Variants in CLOCK observed in about 807,000 individuals in gnomAD.
CLOCK encodes the protein circadian locomoter output cycles protein kaput.
Under a neutral mutation model 118.4 loss-of-function variants are expected in CLOCK, and 43 were observed. That is an observed-to-expected ratio of 0.36 (90% confidence interval 0.28 to 0.47). The LOEUF is 0.47. Among genes scored for constraint, CLOCK ranks in the 20% least tolerant of loss-of-function variants. The pLI is 1.00. For missense variants in CLOCK, 846 were observed against 999.9 expected (o/e 0.85, Z 2.08); for synonymous variants, 326 against 339.2 (o/e 0.96, Z 0.43).
chr4:55,478,971 A>G lies in CLOCK; in HGVS notation c.108-8T>C. 6.3e-7 allele frequency: 1 copy of G among 1,575,148 alleles called. No individual in the cohort carries two copies. Among genetic ancestry groups the G allele is most frequent in the South Asian group, 1.1e-5 (1 of 87,192 alleles). On this transcript the variant is annotated splice_region_variant and splice_polypyrimidine_tract_variant and intron_variant, in intron 5 of 22. Coordinates refer to ENST00000513440, the MANE Select transcript of CLOCK (RefSeq NM_004898.4). The stretch of plus-strand genomic sequence containing the variant: ...GATTTGTTTCTAGATACTCTGATGA[A>G]ATGAAAAATATGCATTTTTTAAACA...
At position 55,428,696 on chromosome 4, in the gene CLOCK, TTGAGA is replaced by T. The variant is rs1213750597; in HGVS notation, c.*6714_*6718del. On this transcript the variant is annotated 3_prime_UTR_variant, in exon 23 of 23. Coordinates refer to ENST00000513440, the MANE Select transcript of CLOCK (RefSeq NM_004898.4). The stretch of plus-strand genomic sequence containing the variant: ...GGACAGCAATGTCAAGAATATCACA[TTGAGA>T]ACCACACAGAACATTATAAAGAATT... The T allele has an allele frequency of 2.0e-5, 3 of 152,084 alleles. No homozygotes were observed. The highest frequency in any genetic ancestry group is 7.2e-5 in the African/African-American group (3 of 41,390). The allele number at this position is 152,084 out of a possible 1,614,324, so 9.4% of individuals were successfully genotyped here.
intron 1 of CLOCK, among the ~76,000 whole-genome samples, chr4:55,525,297 T>C (rs974307511): frequency 2.0e-5 from 3 of 152,098 alleles, no homozygotes; most frequent in South Asian, 2.1e-4. Flanking sequence ...ACATACCCTG[T>C]TCTTTAGAAA....
chr4:55,458,437 C>T (rs539689024), intron 11 of CLOCK, among the ~76,000 whole-genome samples: 2 of 152,224 alleles, frequency 1.3e-5, no homozygotes, highest in African/African-American at 4.8e-5. Flanking sequence ...CACTTTCCCA[C>T]TTCCCTACTT....
chr4:55,491,267 C>CTCAAACAA (rs1727661740), intron 2 of CLOCK, among the ~76,000 whole-genome samples: 1 of 106,412 alleles, frequency 9.4e-6, no homozygotes. Flanking sequence ...AAGGAAAGAT[C>CTCAAACAA]TCAAACAATG....
chr4:55,501,530 G>T (rs1055340305), intron 2 of CLOCK: 2 of 149,546 alleles, frequency 1.3e-5, no homozygotes, highest in East Asian at 3.9e-4. Flanking sequence ...TGGCCCTCCC[G>T]CCTCAGCCTC....
chr4:55,536,647 C>T (rs1730920298), intron 1 of CLOCK, among the ~76,000 whole-genome samples: 1 of 152,130 alleles, frequency 6.6e-6, no homozygotes, highest in Admixed American at 6.6e-5. Context: ...CTTTGGAGAA[C>T]CGTAAGCCAA....
At chr4:55,529,592 A>T (rs1730410522) in intron 1 of CLOCK, among the ~76,000 whole-genome samples, 1 of 152,254 alleles carries the variant, frequency 6.6e-6, no homozygotes, top group Non-Finnish European at 1.5e-5. Flanking sequence ...ATTAAACAAA[A>T]ATAGGTATAT....
intron 1 of CLOCK, among the ~76,000 whole-genome samples, chr4:55,520,500 AAAC>A (rs1729790399): frequency 1.3e-5 from 2 of 152,172 alleles, no homozygotes; most frequent in South Asian, 4.1e-4. Flanking sequence ...TACTCCTAGA[AAAC>A]AACACCTGAG....
chr4:55,517,127 T>C (rs942987392), intron 1 of CLOCK, among the ~76,000 whole-genome samples: 1 of 152,252 alleles, frequency 6.6e-6, no homozygotes, highest in Admixed American at 6.5e-5. Flanking sequence ...GATTTTTCCT[T>C]AAGCCTGTTA....
At chr4:55,500,403 G>T (rs1391323105) in intron 2 of CLOCK, among the ~76,000 whole-genome samples, 1 of 152,164 alleles carries the variant, frequency 6.6e-6, no homozygotes, top group African/African-American at 2.4e-5. Flanking sequence ...CAGTGCAGTG[G>T]TGTGAACACA....
intron 22 of CLOCK, among the ~76,000 whole-genome samples, chr4:55,437,435 G>A (rs1045000059): frequency 2.0e-5 from 3 of 152,176 alleles, no homozygotes; most frequent in African/African-American, 7.2e-5. Flanking sequence ...TAAGGGTTTT[G>A]TACATTTCTC....
chr4:55,545,862 T>A (rs1731583548), intron 1 of CLOCK: 1 of 152,146 alleles, frequency 6.6e-6, no homozygotes, highest in African/African-American at 2.4e-5. Flanking sequence ...GAAGCGCGGG[T>A]GGACGGAAGA....
chr4:55,435,700 C>G, intron 22 of CLOCK, 106 bp from the exon 23 acceptor site: 1 of 1,126,074 alleles, frequency 8.9e-7, no homozygotes, highest in South Asian at 1.3e-5. Flanking sequence ...CCTTAAAATT[C>G]TACATAATGC....
intron 1 of CLOCK, among the ~76,000 whole-genome samples, chr4:55,535,234 T>A (rs1325417444): frequency 6.6e-6 from 1 of 152,166 alleles, no homozygotes; most frequent in Non-Finnish European, 1.5e-5. Context: ...CAAGAATGTT[T>A]AGGTTTGTCA....
intron 22 of CLOCK, 129 bp from the exon 23 acceptor site, chr4:55,435,723 CT>C: frequency 1.1e-6 from 1 of 928,486 alleles, no homozygotes. Context: ...ATCACTTTCA[CT>C]CTCTGGTTTA....
chr4:55,502,154 T>C (rs1169328040), intron 2 of CLOCK, among the ~76,000 whole-genome samples: 1 of 152,232 alleles, frequency 6.6e-6, no homozygotes, highest in African/African-American at 2.4e-5. Context: ...CAAATTGATT[T>C]ATAAATTCTA....
intron 1 of CLOCK, among the ~76,000 whole-genome samples, chr4:55,537,565 C>T (rs1315993226): frequency 6.6e-6 from 1 of 151,950 alleles, no homozygotes; most frequent in East Asian, 1.9e-4. Flanking sequence ...CTGTGGTGAC[C>T]CCGTGATTGG....
At position 55,452,773 on chromosome 4, in the gene CLOCK, A is replaced by G. The variant is rs1724580415; in HGVS notation, c.1206+281T>C. Reference sequence around the variant, plus strand: ...GATAAAAATATCTGATGTGTAAATTATATTTCATAATTCATATAAATAACC... The same window carrying G: ...GATAAAAATATCTGATGTGTAAATTGTATTTCATAATTCATATAAATAACC... On this transcript the variant is annotated intron_variant, in intron 15 of 22. Coordinates refer to ENST00000513440, the MANE Select transcript of CLOCK (RefSeq NM_004898.4). 5 of 239,914 alleles carry G rather than the reference A, an allele frequency of 2.1e-5. No homozygotes were observed. In the East Asian group the frequency reaches 3.6e-4, roughly 17 times the overall value. 14.9% of individuals were successfully genotyped at this position (239,914 alleles called of 1,614,324 possible). A position where few individuals can be genotyped will look rare whatever the true frequency, so the allele number is the denominator to read the frequency against.
intron 2 of CLOCK, among the ~76,000 whole-genome samples, chr4:55,499,033 T>C (rs1488442887): frequency 1.3e-5 from 2 of 152,226 alleles, no homozygotes; most frequent in Non-Finnish European, 2.9e-5. Context: ...AAATTTCCAT[T>C]TGATTATTTC....
Sources: gnomAD v4.1 joint callset for allele counts (sites outside exome capture counted in the v4.1 genomes callset) on GRCh38, gnomAD v4.1.1 for gene constraint, MANE v1.5 for transcripts, NCBI Gene and HGNC (gene_info 2026-07-23, HGNC 2026-07-21) for gene names.